MTUS2: variants seen among roughly 807,000 people sequenced by gnomAD.
MTUS2 encodes the protein microtubule associated scaffold protein 2.
In MTUS2, 40 loss-of-function variants were observed where a neutral mutation model predicts 114.1. The observed-to-expected ratio is 0.35, with a 90% CI of 0.27 to 0.46. The LOEUF (loss-of-function observed/expected upper bound fraction) is 0.46, where lower values mean the gene tolerates loss of function less well. MTUS2 is among the 20% of genes least tolerant of loss of function. The pLI, the probability that MTUS2 is intolerant of heterozygous loss-of-function variation, is 1.00. For missense variants in MTUS2, 1,679 were observed against 1,705.4 expected, an observed-to-expected ratio of 0.98 and a Z score of 0.27; for synonymous variants, 688 against 672.0, an observed-to-expected ratio of 1.02 and a Z score of -0.37.
chr13:29,426,765 A>T (rs1876565861), intron 8 of MTUS2, among the ~76,000 whole-genome samples: 2 of 152,234 alleles, frequency 1.3e-5, no homozygotes, highest in South Asian at 4.1e-4. Flanking sequence ...AGCACCTGTC[A>T]GAATTTCCTT....
rs145437367 is a variant in MTUS2 at position 29,447,421 on chromosome 13, C to A, written c.3184+7372C>A. On this transcript the variant is annotated intron_variant, in intron 9 of 15. Transcript: ENST00000612955. ...ATATTCTTTTTTAAGGCAAATAGAG[C>A]TATTTGAGCTGATTCATCTGTAGCT... is the stretch of plus-strand genomic sequence containing the variant. 1.9e-3 allele frequency among the ~76,000 whole-genome samples: 286 copies of A among 152,090 alleles called. 2 individuals carry two copies. Among genetic ancestry groups the A allele is most frequent in the African/African-American group, 6.5e-3 (269 of 41,484 alleles).
intron 6 of MTUS2, among the ~76,000 whole-genome samples, chr13:29,321,831 T>C (rs1044978800): frequency 6.6e-6 from 1 of 152,218 alleles, no homozygotes; most frequent in Non-Finnish European, 1.5e-5. Flanking sequence ...TTTTTACTTA[T>C]TTCTAAGCAT....
At chr13:29,349,131 T>C (rs1183286435) in intron 7 of MTUS2, among the ~76,000 whole-genome samples, 1 of 152,152 alleles carries the variant, frequency 6.6e-6, no homozygotes, top group African/African-American at 2.4e-5. Flanking sequence ...CTTTTGGCAT[T>C]GGATAGTTTT....
At chr13:28,870,414 G>T (rs551598414) in intron 2 of MTUS2, among the ~76,000 whole-genome samples, 4 of 152,110 alleles carry the variant, frequency 2.6e-5, no homozygotes, top group African/African-American at 7.2e-5. Context: ...GAGTATGGGA[G>T]GGGGAAGGAG....
chr13:29,166,544 T>C (rs1398075192), intron 5 of MTUS2, among the ~76,000 whole-genome samples: 1 of 152,220 alleles, frequency 6.6e-6, no homozygotes, highest in Non-Finnish European at 1.5e-5. Flanking sequence ...CAGCAATAGA[T>C]GTTCAGGATT....
At chr13:28,851,475 C>T (rs1876262195) in intron 2 of MTUS2, among the ~76,000 whole-genome samples, 1 of 152,162 alleles carries the variant, frequency 6.6e-6, no homozygotes, top group African/African-American at 2.4e-5. Context: ...AAAACATGTA[C>T]TGAGTGACTA....
At chr13:29,482,965 A>G (rs527757555) in intron 10 of MTUS2, among the ~76,000 whole-genome samples, 2 of 152,212 alleles carry the variant, frequency 1.3e-5, no homozygotes, top group Non-Finnish European at 2.9e-5. Context: ...CCAGGCCAAC[A>G]GTCTAACTAC....
chr13:29,159,087 T>C (rs1353237709), intron 5 of MTUS2, among the ~76,000 whole-genome samples: 1 of 152,234 alleles, frequency 6.6e-6, no homozygotes, highest in African/African-American at 2.4e-5. Flanking sequence ...GTGGAGAATG[T>C]TCGTGATTGA....
chr13:29,318,890 G>A (rs1488551592), intron 6 of MTUS2, among the ~76,000 whole-genome samples: 2 of 152,186 alleles, frequency 1.3e-5, no homozygotes, highest in Non-Finnish European at 2.9e-5. Flanking sequence ...ATCTGGGTTT[G>A]TAGTGATTGG....
intron 5 of MTUS2, among the ~76,000 whole-genome samples, chr13:29,141,861 A>ATTTTTTTTTTTTTTTTTTTTTTTTTTT (rs370911804): frequency 7.0e-6 from 1 of 142,370 alleles, no homozygotes. Context: ...TGGGGATCTA[A>ATTTTTTTTTTTTTTTTTTTTTTTTTTT]TTTTTTTTTT....
intron 8 of MTUS2, among the ~76,000 whole-genome samples, chr13:29,422,648 CTTTTTTTTTTT>C (rs11342823): frequency 2.9e-5 from 2 of 67,978 alleles, no homozygotes; most frequent in Admixed American, 4.4e-4. Flanking sequence ...GATTTCTTTT[CTTTTTTTTTTT>C]TTTTTTTTTT....
chr13:29,441,665 C>G (rs1420839902), intron 9 of MTUS2, among the ~76,000 whole-genome samples: 1 of 152,122 alleles, frequency 6.6e-6, no homozygotes, highest in Non-Finnish European at 1.5e-5. Context: ...TGACCCTGCC[C>G]AATGCCAGGG....
intron 2 of MTUS2, among the ~76,000 whole-genome samples, chr13:28,873,792 T>C (rs1305068847): frequency 6.6e-6 from 1 of 152,180 alleles, no homozygotes; most frequent in Non-Finnish European, 1.5e-5. Context: ...GGACATTTAA[T>C]AGACAATAAT....
intron 2 of MTUS2, among the ~76,000 whole-genome samples, chr13:28,892,661 C>A (rs1879002020): frequency 6.6e-6 from 1 of 152,090 alleles, no homozygotes; most frequent in Non-Finnish European, 1.5e-5. Flanking sequence ...TTTTTTCCTT[C>A]TTGACACTTC....
chr13:29,052,347 G>A (rs1185884103), intron 4 of MTUS2, among the ~76,000 whole-genome samples: 2 of 151,592 alleles, frequency 1.3e-5, no homozygotes, highest in African/African-American at 4.9e-5. Flanking sequence ...CGGGCATGGT[G>A]GCAGGCACCT....
chr13:28,941,045 G>T (rs1593317677), intron 2 of MTUS2, among the ~76,000 whole-genome samples: 1 of 148,654 alleles, frequency 6.7e-6, no homozygotes, highest in South Asian at 2.2e-4. Flanking sequence ...TAAATATGTA[G>T]GTAACTAATA....
intron 1 of MTUS2, among the ~76,000 whole-genome samples, chr13:28,833,682 T>C (rs895885251): frequency 6.6e-6 from 1 of 152,134 alleles, no homozygotes; most frequent in African/African-American, 2.4e-5. Flanking sequence ...TTATTCAGCC[T>C]AATACTGGAT....
chr13:29,481,560 G>A (rs1881176703), intron 10 of MTUS2, among the ~76,000 whole-genome samples: 1 of 152,170 alleles, frequency 6.6e-6, no homozygotes, highest in South Asian at 2.1e-4. Context: ...TTAGTGTCGA[G>A]TGGCCTTCAT....
chr13:29,071,409 A>ATTTTTTTTTTTTTTTTTTTTTT lies in MTUS2; in HGVS notation c.2447-29351_2447-29330dup, dbSNP rs751020009. ...TTTAAAAGATCTCTATGTTGCTTGA[A>ATTTTTTTTTTTTTTTTTTTTTT]TTTTTTTTTTTTTTTTTTTTTTTTT... On this transcript the variant is annotated intron_variant, in intron 4 of 15. Transcript: ENST00000612955. Among the ~76,000 whole-genome samples, 13 of 46,142 alleles carry ATTTTTTTTTTTTTTTTTTTTTT rather than the reference A, an allele frequency of 2.8e-4. 1 individual carries two copies. The highest frequency in any genetic ancestry group is 1.8e-3 in the East Asian group (2 of 1,106). The allele number at this position is 46,142 out of a possible 152,430, so 30.3% of individuals were successfully genotyped here.
Sources: gnomAD v4.1 joint callset for allele counts (sites outside exome capture counted in the v4.1 genomes callset) on GRCh38, gnomAD v4.1.1 for gene constraint, MANE v1.5 for transcripts, NCBI Gene and HGNC (gene_info 2026-07-23, HGNC 2026-07-21) for gene names.